The following FURIN variants were observed in gnomAD, a reference collection of about 807,000 sequenced individuals.
FURIN encodes furin, paired basic amino acid cleaving enzyme, also known as FES upstream region.
FURIN carries 18 observed loss-of-function variants against 89.2 expected under a neutral mutation model. That is an observed-to-expected ratio of 0.20 (90% CI 0.14 to 0.30). The LOEUF is 0.30. FURIN is among the 10% of genes least tolerant of loss of function. The pLI is 1.00. For synonymous variants in FURIN, 508 were observed against 466.4 expected (o/e 1.09, Z -1.15); for missense variants, 879 against 1,100.5 (o/e 0.80, Z 2.85).
chr15:90,879,651 T>C lies in FURIN; in HGVS notation c.1155-20T>C. 1 of 1,604,234 alleles carries C rather than the reference T, an allele frequency of 6.2e-7. No individual in the cohort carries two copies. The highest frequency in any genetic ancestry group is 1.1e-5 in the South Asian group (1 of 90,906). The stretch of plus-strand genomic sequence containing the variant: ...TCCCAAAAAAGACTGATCCCCAGCC[T>C]CTCCCTTCCTTCTTTGCAGTAAGAA... On this transcript the variant is annotated intron_variant, in intron 10 of 15. Coordinates refer to ENST00000268171, the MANE Select transcript of FURIN (RefSeq NM_002569.4).
chr15:90,871,628 C>G (rs2031304541), intron 1 of FURIN: 1 of 149,398 alleles, frequency 6.7e-6, no homozygotes, highest in Admixed American at 6.6e-5. Context: ...GGCGCGGGGC[C>G]CGGGGCCCGG....
At position 90,880,953 on chromosome 15, in the gene FURIN, G is replaced by A. The variant is rs771449660; in HGVS notation, c.1705G>A (p.Val569Ile). Residue 569 changes from valine (V) to isoleucine (I), a missense_variant, in exon 15 of 16, where the codon GTA (valine) becomes ATA (isoleucine). Val to Ile is a conservative substitution (Grantham distance 29, BLOSUM62 3). Transcript: ENST00000268171. ...NYGTLTKFTLVLYGTAPEGLP... is the reference protein window; with the variant it reads ...NYGTLTKFTLILYGTAPEGLP... ...AGGGACGCTGACCAAGTTCACCCTC[G>A]TACTCTATGGCACCGCCCCTGAGGG... 1.2e-5 allele frequency: 19 copies of A among 1,613,866 alleles called. 1 individual carries two copies. The highest frequency in any genetic ancestry group is 5.5e-5 in the South Asian group (5 of 91,086).
At position 90,878,110 on chromosome 15, in the gene FURIN, C is replaced by G. The variant is rs758609441; in HGVS notation, c.668-22C>G. On this transcript the variant is annotated intron_variant, in intron 7 of 15. Coordinates refer to ENST00000268171, the MANE Select transcript of FURIN (RefSeq NM_002569.4). ...GCTGGACCCATGCAGCATCCCTCTT[C>G]GTGCCCCCCCTTCACGGCCAGGGGT... 58 of 1,612,746 alleles carry G rather than the reference C, an allele frequency of 3.6e-5. No individual in the cohort carries two copies. The South Asian group carries it at 6.0e-4, about 17-fold the overall frequency.
Position 90,880,251 on chromosome 15 carries a change from C to G in FURIN, c.1534C>G (p.Arg512Gly), listed in dbSNP as rs200240604. The G allele has an allele frequency of 2.5e-6, 4 of 1,607,948 alleles. No homozygotes were observed. The South Asian group carries it at 4.4e-5, about 18-fold the overall frequency. The change falls in exon 13 of 16, where the codon CGC becomes GGC. Residue 512 changes from arginine to glycine, a missense_variant. Coordinates refer to ENST00000268171, the MANE Select transcript of FURIN (RefSeq NM_002569.4). ...AIHLVSPMGTRSTLLAARPHD... is the reference protein window; with the variant it reads ...AIHLVSPMGTGSTLLAARPHD... Reference sequence around the variant, plus strand: ...CCACCTGGTCAGCCCCATGGGCACCCGCTCCACCCTGCTGGCAGCCAGGTG... The same window carrying G: ...CCACCTGGTCAGCCCCATGGGCACCGGCTCCACCCTGCTGGCAGCCAGGTG...
Position 90,869,174 on chromosome 15 carries a change from T to G in FURIN, c.-160+463T>G, listed in dbSNP as rs967083867. On this transcript the variant is annotated intron_variant, in intron 1 of 15. Coordinates refer to ENST00000268171, the MANE Select transcript of FURIN (RefSeq NM_002569.4). ...AATGGAGCCCCTTTACAGCCCCCAC[T>G]TACCCATCAGGCCCTGCTCCTCTCA... 1.5e-4 allele frequency among the ~76,000 whole-genome samples: 23 copies of G among 152,178 alleles called. 1 individual carries two copies. The highest frequency in any genetic ancestry group is 9.8e-4 in the Admixed American group (15 of 15,280).
rs1428524487 is a variant in FURIN at position 90,876,699 on chromosome 15, A to G, written c.372+142A>G. The G allele has an allele frequency of 1.2e-6, 1 of 817,784 alleles. No homozygotes were observed. The highest frequency in any genetic ancestry group is 2.0e-6 in the Non-Finnish European group (1 of 495,628). The allele number at this position is 817,784 out of a possible 1,614,324, so 50.7% of individuals were successfully genotyped here. A position where few individuals can be genotyped will look rare whatever the true frequency, so the allele number is the denominator to read the frequency against. On this transcript the variant is annotated intron_variant, in intron 4 of 15. Transcript: ENST00000268171. This position sits in a 1 kb window ranked among gnomAD's most constrained non-coding sequence, Gnocchi z 5.0. Reference sequence around the variant, plus strand: ...CTGCTGGGCAGTCTCTCCTTGGCCCATCCTAATAAGCAAGCCTGGGGGTGG... The same window carrying G: ...CTGCTGGGCAGTCTCTCCTTGGCCCGTCCTAATAAGCAAGCCTGGGGGTGG...
At chr15:90,871,559 C>CG (rs1373701611) in intron 1 of FURIN, 1 of 760 alleles carries the variant, frequency 1.3e-3, no homozygotes, top group African/African-American at 0.011. Flanking sequence ...GCGCCCGAGC[C>CG]GCCGCGGCGG....
intron 13 of FURIN, 41 bp from the exon 14 acceptor site, chr15:90,880,650 T>A (rs2031908076): frequency 6.3e-7 from 1 of 1,577,350 alleles, no homozygotes; most frequent in East Asian, 2.3e-5. Context: ...TGGCTTGGGG[T>A]CCCGCAGAGG....
At chr15:90,877,728 C>G in intron 7 of FURIN, 113 bp downstream of exon 7, 5 of 754,426 alleles carry the variant, frequency 6.6e-6, no homozygotes, top group Non-Finnish European at 1.1e-5. Flanking sequence ...ATCCTTTGAT[C>G]ACGTGGCTGT....
At chr15:90,875,285 TC>T (rs1459944642) in intron 1 of FURIN, among the ~76,000 whole-genome samples, 1 of 152,146 alleles carries the variant, frequency 6.6e-6, no homozygotes, top group Non-Finnish European at 1.5e-5. Flanking sequence ...TCCACCCGCC[TC>T]AGCCTCCCAA....
intron 1 of FURIN, among the ~76,000 whole-genome samples, chr15:90,871,851 T>A (rs2031322816): frequency 2.7e-5 from 4 of 149,550 alleles, no homozygotes; most frequent in African/African-American, 9.8e-5. Flanking sequence ...AGGGTGGAGC[T>A]GCCGGGAGCA....
chr15:90,877,816 C>G (rs1238873334), intron 7 of FURIN, among the ~76,000 whole-genome samples: 1 of 152,212 alleles, frequency 6.6e-6, no homozygotes, highest in Non-Finnish European at 1.5e-5. Flanking sequence ...GCAGGAGTCT[C>G]CTGAAATCCT....
At chr15:90,879,166 A>G (rs1475356290) in intron 9 of FURIN, among the ~76,000 whole-genome samples, 190 bp downstream of exon 9, 1 of 152,182 alleles carries the variant, frequency 6.6e-6, no homozygotes, top group East Asian at 1.9e-4. Flanking sequence ...AAGACTTTGA[A>G]AAGCCTAGAC....
In FURIN at chr15:90,881,367, C is replaced by A. The variant is rs780669007; in HGVS notation, c.1874C>A (p.Thr625Lys). ...GGGTTCGCCCCCCAAGTCCTCGATA[C>A]GCACTATAGCACCGAGAATGACGTG... ...PPGFAPQVLD[T>K]HYSTENDVET... is the part of the protein sequence containing the mutation. Residue 625 changes from threonine (T) to lysine (K), a missense_variant, in exon 16 of 16, where the codon ACG becomes AAG. Physicochemically the swap from Thr to Lys is moderately conservative, Grantham distance 78 (BLOSUM62 -1). Around this residue, in one of 5 missense-constraint regions of FURIN, gnomAD observed 457 missense variants for 490.7 expected, o/e 0.93. Transcript: ENST00000268171. This position sits in a 1 kb window ranked among gnomAD's most constrained non-coding sequence, Gnocchi z 4.3. The A allele has an allele frequency of 2.5e-6, 4 of 1,612,920 alleles. No individual in the cohort carries two copies. Among genetic ancestry groups the A allele is most frequent in the Non-Finnish European group, 3.4e-6 (4 of 1,179,850 alleles).
Position 90,879,423 on chromosome 15 carries a change from A to C in FURIN, c.1054-21A>C, listed in dbSNP as rs376057327. 3.8e-6 allele frequency: 6 copies of C among 1,572,808 alleles called. No individual in the cohort carries two copies. The African/African-American group carries it at 5.4e-5, about 14-fold the overall frequency. On this transcript the variant is annotated intron_variant, in intron 9 of 15. Coordinates refer to ENST00000268171, the MANE Select transcript of FURIN (RefSeq NM_002569.4). ...CCCCCTCCACCCATCACAGGCCCCA[A>C]TATGATTCTCTTCCTGGCAGGTGAC...
chr15:90,880,532 C>T (rs893811219), intron 13 of FURIN, among the ~76,000 whole-genome samples, 159 bp from the exon 14 acceptor site: 6 of 152,218 alleles, frequency 3.9e-5, no homozygotes, highest in African/African-American at 9.7e-5. Flanking sequence ...CAGTTGAGCA[C>T]GTCTGGCTCA....
At chr15:90,873,999 C>T (rs904891001) in intron 1 of FURIN, among the ~76,000 whole-genome samples, 26 of 152,302 alleles carry the variant, frequency 1.7e-4, no homozygotes, top group Admixed American at 1.2e-3. Flanking sequence ...CCAGGGCCTA[C>T]GTGAGCTGGG....
Position 90,877,515 on chromosome 15 carries a change from T to C in FURIN, c.579-12T>C. ...ATTTGTTCTACTCATGCTACGTGCTTGGCCCTGGCAGGCACGGCACACGGT... is the reference window on the plus strand; with the variant it reads ...ATTTGTTCTACTCATGCTACGTGCTCGGCCCTGGCAGGCACGGCACACGGT... On this transcript the variant is annotated splice_polypyrimidine_tract_variant and intron_variant, in intron 6 of 15. Transcript: ENST00000268171. 6.4e-7 allele frequency: 1 copy of C among 1,559,136 alleles called. No individual in the cohort carries two copies. Among genetic ancestry groups the C allele is most frequent in the South Asian group, 1.2e-5 (1 of 84,534 alleles).
intron 7 of FURIN, among the ~76,000 whole-genome samples, chr15:90,877,856 G>A (rs938325037): frequency 1.3e-5 from 2 of 152,232 alleles, no homozygotes; most frequent in Non-Finnish European, 2.9e-5. Flanking sequence ...TCACGTGGCA[G>A]ATCCTTGATC....
Sources: gnomAD v4.1 joint callset for allele counts (sites outside exome capture counted in the v4.1 genomes callset) on GRCh38, gnomAD v4.1.1 for gene constraint, gnomAD v4.1.1 regional missense constraint, Gnocchi (gnomAD v3.1) non-coding constraint, MANE v1.5 for transcripts, NCBI Gene and HGNC (gene_info 2026-07-23, HGNC 2026-07-21) for gene names.